BPIFA3: variants seen among roughly 807,000 people sequenced by gnomAD.
BPIFA3 encodes BPI fold containing family A member 3.
BPIFA3 carries 32 observed loss-of-function variants against 29.7 expected under a neutral mutation model. The observed-to-expected ratio is 1.08, with a 90% CI of 0.81 to 1.45. BPIFA3 has a LOEUF of 1.45. BPIFA3 is among the 40% of genes most tolerant of loss of function. The probability of loss-of-function intolerance (pLI) is 0.00; values close to 1 mark genes in which losing one functional copy is unlikely to be tolerated. For synonymous variants in BPIFA3, 112 were observed against 113.7 expected (o/e 0.98, Z 0.10); for missense variants, 323 against 311.3 (o/e 1.04, Z -0.28).
intron 5 of BPIFA3, 38 bp from the exon 6 acceptor site, chr20:33,226,891 GC>G (rs1158931404): frequency 1.9e-6 from 3 of 1,613,464 alleles, no homozygotes; most frequent in Non-Finnish European, 2.5e-6. Context: ...TCCTTTTCCA[GC>G]CCCTGGCCTG....
At chr20:33,226,882 C>T (rs1985803969) in intron 5 of BPIFA3, 48 bp from the exon 6 acceptor site, 1 of 1,611,890 alleles carries the variant, frequency 6.2e-7, no homozygotes, top group Admixed American at 1.7e-5. Context: ...CTTCAGTTTT[C>T]CTTTTCCAGC....
At chr20:33,224,234 C>T (rs1021284336) in intron 2 of BPIFA3, 121 bp from the exon 3 acceptor site, 14 of 885,562 alleles carry the variant, frequency 1.6e-5, no homozygotes, top group Non-Finnish European at 2.4e-5. Context: ...GTAAAAGAAT[C>T]ACAGTCCAAA....
In BPIFA3 at chr20:33,217,635, C is replaced by T. The variant is rs1985324892; in HGVS notation, c.99C>T (p.His33=). ...KQPWPGLAQA[H]RDNKSTLARI... Reference sequence around the variant, plus strand: ...CTTGGCCTGGCCTGGCCCAAGCCCACAGAGACAACAAATCCACCCTGGCAA... The same window carrying T: ...CTTGGCCTGGCCTGGCCCAAGCCCATAGAGACAACAAATCCACCCTGGCAA... Residue 33 remains histidine, a synonymous_variant, in exon 1 of 7, where the codon CAC becomes CAT. Coordinates refer to ENST00000375454, the MANE Select transcript of BPIFA3 (RefSeq NM_178466.5). 1 of 1,613,848 alleles carries T rather than the reference C, an allele frequency of 6.2e-7. No individual in the cohort carries two copies. Among genetic ancestry groups the T allele is most frequent in the African/African-American group, 1.3e-5 (1 of 74,922 alleles).
chr20:33,226,646 C>A (rs1985793800), intron 5 of BPIFA3, among the ~76,000 whole-genome samples, 156 bp downstream of exon 5: 1 of 152,196 alleles, frequency 6.6e-6, no homozygotes, highest in African/African-American at 2.4e-5. Context: ...TTTTGCCAGC[C>A]TATCCTTGAG....
At chr20:33,217,791 G>T in intron 1 of BPIFA3, 128 bp downstream of exon 1, 1 of 1,203,798 alleles carries the variant, frequency 8.3e-7, no homozygotes, top group Non-Finnish European at 1.1e-6. Context: ...CTTTTTCTTA[G>T]ACCTCAAGTA....
intron 1 of BPIFA3, among the ~76,000 whole-genome samples, chr20:33,222,765 A>C (rs1287700146): frequency 6.6e-6 from 1 of 152,192 alleles, no homozygotes; most frequent in Non-Finnish European, 1.5e-5. Flanking sequence ...CAAATTCCCA[A>C]GCACCACTAT....
At chr20:33,227,435 C>G (rs1202475060) in intron 6 of BPIFA3, 103 bp from the exon 7 acceptor site, 1 of 972,176 alleles carries the variant, frequency 1.0e-6, no homozygotes, top group East Asian at 2.4e-5. Flanking sequence ...TGAACGCTCC[C>G]GGCACCTGCC....
chr20:33,224,293 G>T, intron 2 of BPIFA3, 62 bp from the exon 3 acceptor site: 1 of 1,351,612 alleles, frequency 7.4e-7, no homozygotes, highest in Admixed American at 1.8e-5. Context: ...TTTCTCAGCA[G>T]GAAGCCTTAC....
At position 33,217,393 on chromosome 20, in the gene BPIFA3, G is replaced by T; in HGVS notation, c.-144G>T. The T allele has an allele frequency of 9.2e-7, 1 of 1,084,974 alleles. No homozygotes were observed. Among genetic ancestry groups the T allele is most frequent in the Non-Finnish European group, 1.3e-6 (1 of 779,024 alleles). 67.2% of individuals were successfully genotyped at this position (1,084,974 alleles called of 1,614,324 possible). ...GGTGGCAGCGCCAGGGTCCAGTGCA[G>T]CCCCTCCCCACAGCATGCTGGGGGC... On this transcript the variant is annotated 5_prime_UTR_variant, in exon 1 of 7. Transcript: ENST00000375454.
At chr20:33,227,061 C>A in intron 6 of BPIFA3, 68 bp downstream of exon 6, 1 of 1,429,242 alleles carries the variant, frequency 7.0e-7, no homozygotes, top group Non-Finnish European at 9.9e-7. Flanking sequence ...GTACCCCCGG[C>A]CCTGGAGCCC....
At chr20:33,225,384 T>C in intron 4 of BPIFA3, 137 bp downstream of exon 4, 1 of 1,278,718 alleles carries the variant, frequency 7.8e-7, no homozygotes, top group Non-Finnish European at 1.1e-6. Context: ...CCTCCTCCCA[T>C]GTTCCCATCC....
At chr20:33,223,133 G>C (rs939004866) in intron 1 of BPIFA3, among the ~76,000 whole-genome samples, 1 of 152,176 alleles carries the variant, frequency 6.6e-6, no homozygotes, top group African/African-American at 2.4e-5. Flanking sequence ...CAACTCCAAG[G>C]TGCTGTCTTG....
In BPIFA3 at chr20:33,226,941, G is replaced by A. The variant is rs1437282726; in HGVS notation, c.633G>A (p.Leu211=). ...TGCTGATGGTCCAGGTATGTCCTCTGATCGGTGAAATCCTCGGGCAGCTGG... is the reference window on the plus strand; with the variant it reads ...TGCTGATGGTCCAGGTATGTCCTCTAATCGGTGAAATCCTCGGGCAGCTGG... ...PHMVESQVCP[L]IGEILGQLDV... The change falls in exon 6 of 7, where the codon CTG becomes CTA. Residue 211 remains leucine, a synonymous_variant. Coordinates refer to ENST00000375454, the MANE Select transcript of BPIFA3 (RefSeq NM_178466.5). 1.9e-6 allele frequency: 3 copies of A among 1,614,020 alleles called. No homozygotes were observed. Among genetic ancestry groups the A allele is most frequent in the Non-Finnish European group, 1.7e-6 (2 of 1,180,020 alleles).
chr20:33,226,863 C>T (rs921232703), intron 5 of BPIFA3, 67 bp from the exon 6 acceptor site: 1 of 1,589,054 alleles, frequency 6.3e-7, no homozygotes, highest in Admixed American at 1.7e-5. Flanking sequence ...AAGTTTCCTG[C>T]CACAGTCACT....
intron 4 of BPIFA3, chr20:33,225,517 C>G (rs1386861051): frequency 2.2e-6 from 1 of 457,412 alleles, no homozygotes; most frequent in Non-Finnish European, 4.0e-6. Flanking sequence ...TTATCTCCAT[C>G]TCCTACTCCA....
chr20:33,223,798 T>C lies in BPIFA3; in HGVS notation c.128-13T>C, dbSNP rs1417059972. The stretch of plus-strand genomic sequence containing the variant: ...GACACTGTGCAAAGTCAGTGGTCCT[T>C]GTGCATTTCCAGTTATTGCTCAGGG... On this transcript the variant is annotated splice_polypyrimidine_tract_variant and intron_variant, in intron 1 of 6. Coordinates refer to ENST00000375454, the MANE Select transcript of BPIFA3 (RefSeq NM_178466.5). 2 of 1,609,176 alleles carry C rather than the reference T, an allele frequency of 1.2e-6. No individual in the cohort carries two copies. Among genetic ancestry groups the C allele is most frequent in the Non-Finnish European group, 1.7e-6 (2 of 1,175,938 alleles).
In BPIFA3 at chr20:33,227,766, C is replaced by G; in HGVS notation, c.*149C>G. ...CTCTAGCTCTGAAGGGTGCACAGGT[C>G]CCTCCCACCTGGGCCCTGGGGTTTA... On this transcript the variant is annotated 3_prime_UTR_variant, in exon 7 of 7. Transcript: ENST00000375454. 1 of 636,598 alleles carries G rather than the reference C, an allele frequency of 1.6e-6. No homozygotes were observed. The highest frequency in any genetic ancestry group is 1.8e-5 in the African/African-American group (1 of 54,754). 39.4% of individuals were successfully genotyped at this position (636,598 alleles called of 1,614,324 possible). A position where few individuals can be genotyped will look rare whatever the true frequency, so the allele number is the denominator to read the frequency against.
intron 1 of BPIFA3, among the ~76,000 whole-genome samples, chr20:33,222,557 TGGA>T (rs1985563652): frequency 4.6e-4 from 37 of 80,602 alleles, no homozygotes; most frequent in Admixed American, 3.7e-3. Context: ...GATGGACAGA[TGGA>T]TGGATGGATG....
In BPIFA3 at chr20:33,224,335, T is replaced by C; in HGVS notation, c.279-20T>C. On this transcript the variant is annotated intron_variant, in intron 2 of 6. Coordinates refer to ENST00000375454, the MANE Select transcript of BPIFA3 (RefSeq NM_178466.5). ...TGAAGTCCCTCACCCTTGTGGGGCC[T>C]CTGCTCTTTCCTTGTGCAGCATCAA... 1 of 1,605,256 alleles carries C rather than the reference T, an allele frequency of 6.2e-7. No individual in the cohort carries two copies. The highest frequency in any genetic ancestry group is 8.5e-7 in the Non-Finnish European group (1 of 1,172,410).
Sources: allele counts gnomAD v4.1 joint callset (sites outside exome capture counted in the v4.1 genomes callset), GRCh38; gene constraint gnomAD v4.1.1; transcripts MANE v1.5; gene names NCBI Gene and HGNC (gene_info 2026-07-23, HGNC 2026-07-21).